Variants in ATP5PF observed in about 807,000 individuals in gnomAD.
ATP5PF encodes ATP synthase peripheral stalk subunit F6, mitochondrial.
A neutral mutation model predicts 12.0 loss-of-function variants in ATP5PF; 7 were observed. The ratio of observed to expected loss-of-function variants is 0.58; its 90% CI spans 0.33 to 1.10. The LOEUF is 1.10. Among genes scored for constraint, ATP5PF ranks in the 50% least tolerant of loss-of-function variants. ATP5PF has a pLI of 0.03. For missense variants in ATP5PF, 120 were observed against 127.7 expected, an observed-to-expected ratio of 0.94 and a Z score of 0.29; for synonymous variants, 41 against 45.4, an observed-to-expected ratio of 0.90 and a Z score of 0.39.
At chr21:25,725,788 G>C (rs1403795698) in intron 2 of ATP5PF, among the ~76,000 whole-genome samples, 1 of 152,190 alleles carries the variant, frequency 6.6e-6, no homozygotes, top group Non-Finnish European at 1.5e-5. Flanking sequence ...ACTTCAGAAA[G>C]AAAATAAGTA....
chr21:25,732,568 C>G (rs1362748210), intron 1 of ATP5PF, among the ~76,000 whole-genome samples: 1 of 150,918 alleles, frequency 6.6e-6, no homozygotes, highest in Non-Finnish European at 1.5e-5. Flanking sequence ...ATCACTTGAG[C>G]TTGGGAGGTA....
chr21:25,731,711 G>A (rs951980320), intron 1 of ATP5PF, among the ~76,000 whole-genome samples: 32 of 151,986 alleles, frequency 2.1e-4, no homozygotes, highest in South Asian at 6.2e-4. Context: ...CATTGACACC[G>A]GACTTCTACT....
intron 1 of ATP5PF, among the ~76,000 whole-genome samples, chr21:25,731,755 T>C (rs1289544654): frequency 6.6e-6 from 1 of 152,108 alleles, no homozygotes; most frequent in Non-Finnish European, 1.5e-5. Context: ...GTATACAAAC[T>C]ATGTTATTGG....
rs2034962468 is a variant in ATP5PF, at chr21:25,734,880, C to A, written c.-35G>T. On this transcript the variant is annotated 5_prime_UTR_variant, in exon 1 of 4. Transcript: ENST00000284971. ...TGCACTCAGTCCCGAGCTGCCAAAG[C>A]CTCCGCCGCCACCACCTCCGCTCTA... The A allele has an allele frequency of 1.3e-6, 2 of 1,548,794 alleles. No homozygotes were observed. The highest frequency in any genetic ancestry group is 2.4e-5 in the East Asian group (1 of 41,274).
intron 1 of ATP5PF, among the ~76,000 whole-genome samples, chr21:25,732,984 T>A (rs1332532906): frequency 6.6e-4 from 2 of 3,016 alleles, no homozygotes; most frequent in Admixed American, 4.8e-3. Context: ...AAACTCTGTC[T>A]CAAAAAAAAA....
chr21:25,730,728 C>G (rs2034741418), intron 1 of ATP5PF, among the ~76,000 whole-genome samples: 1 of 50,204 alleles, frequency 2.0e-5, no homozygotes, highest in Non-Finnish European at 4.0e-5. Flanking sequence ...GAGCAAGACT[C>G]CGTCTCACAA....
At chr21:25,729,151 T>C (rs373501017) in intron 2 of ATP5PF, among the ~76,000 whole-genome samples, 7 of 152,076 alleles carry the variant, frequency 4.6e-5, no homozygotes, top group Middle Eastern at 6.8e-3. Flanking sequence ...AATAGCCTTT[T>C]AAAAAAAAGA....
Position 25,734,882 on chromosome 21 carries a change from TCCG to T in ATP5PF, c.-40_-38del. On this transcript the variant is annotated 5_prime_UTR_variant, in exon 1 of 4. Transcript: ENST00000284971. ...CACTCAGTCCCGAGCTGCCAAAGCCTCCGCCGCCACCACCTCCGCTCTACTTCC... is the reference window on the plus strand; with the variant it reads ...CACTCAGTCCCGAGCTGCCAAAGCCTCCGCCACCACCTCCGCTCTACTTCC... The T allele has an allele frequency of 1.3e-6, 2 of 1,549,752 alleles. No homozygotes were observed. The highest frequency in any genetic ancestry group is 8.7e-7 in the Non-Finnish European group (1 of 1,150,572).
chr21:25,729,836 T>C (rs920090982), intron 1 of ATP5PF, 35 bp from the exon 2 acceptor site: 3 of 1,592,874 alleles, frequency 1.9e-6, no homozygotes, highest in Non-Finnish European at 2.6e-6. Flanking sequence ...AACGTTAATA[T>C]ACTTATTATA....
At chr21:25,735,213 G>C (rs1231345405), upstream of ATP5PF, 4 of 591,362 alleles carry the variant, frequency 6.8e-6, no homozygotes, top group South Asian at 8.0e-5. Context: ...GCTCCCCTCC[G>C]AGTCAGCGTC....
At chr21:25,733,015 A>C (rs2034839605) in intron 1 of ATP5PF, among the ~76,000 whole-genome samples, 1 of 149,696 alleles carries the variant, frequency 6.7e-6, no homozygotes, top group East Asian at 2.0e-4. Flanking sequence ...AAAAAAAAGA[A>C]ATCCTACTAT....
rs9979591 is a variant in ATP5PF, at chr21:25,727,072, T to C, written c.165-1722A>G. Reference sequence around the variant, plus strand: ...CTAGCCATATCTGGCTATTGAGCACTAGAAATATAGCTAACATGAATGAGA... The same window carrying C: ...CTAGCCATATCTGGCTATTGAGCACCAGAAATATAGCTAACATGAATGAGA... On this transcript the variant is annotated intron_variant, in intron 2 of 3. Coordinates refer to ENST00000284971, the MANE Select transcript of ATP5PF (RefSeq NM_001003703.2). Among the ~76,000 whole-genome samples the C allele has an allele frequency of 2.4e-3, 364 of 152,338 alleles. 2 individuals are homozygous for C. The highest frequency in any genetic ancestry group is 8.5e-3 in the African/African-American group (352 of 41,574).
chr21:25,725,193 C>G (rs766420556), intron 3 of ATP5PF, 33 bp downstream of exon 3: 1 of 1,587,414 alleles, frequency 6.3e-7, no homozygotes. Context: ...ACTTATCCCC[C>G]ACAAGAATGA....
chr21:25,734,537 C>A, intron 1 of ATP5PF: 2 of 490,428 alleles, frequency 4.1e-6, no homozygotes, highest in Non-Finnish European at 5.8e-6. Flanking sequence ...TAGGCCTGGC[C>A]GAAAATCTCT....
chr21:25,727,856 T>C (rs927958629), intron 2 of ATP5PF, among the ~76,000 whole-genome samples: 1 of 152,230 alleles, frequency 6.6e-6, no homozygotes, highest in African/African-American at 2.4e-5. Flanking sequence ...TTCTCATATA[T>C]AAAATTGGGG....
At chr21:25,735,389 C>T, upstream of ATP5PF, 1 of 184,106 alleles carries the variant, frequency 5.4e-6, no homozygotes, top group South Asian at 1.0e-4. Context: ...CCCGAAGGTG[C>T]CTGGGAGGCG....
At chr21:25,733,552 A>AC (rs1258474225) in intron 1 of ATP5PF, among the ~76,000 whole-genome samples, 3 of 152,082 alleles carry the variant, frequency 2.0e-5, no homozygotes, top group Non-Finnish European at 2.9e-5. Context: ...GGTCAAAGTT[A>AC]CACAGCAAAA....
chr21:25,724,778 A>G (rs901570253), intron 3 of ATP5PF, 101 bp from the exon 4 acceptor site: 1 of 1,187,202 alleles, frequency 8.4e-7, no homozygotes, highest in Non-Finnish European at 1.2e-6. Context: ...TGATTTTTTT[A>G]GTAAACACTG....
At chr21:25,734,718 C>A in intron 1 of ATP5PF, 135 bp downstream of exon 1, 2 of 886,366 alleles carry the variant, frequency 2.3e-6, no homozygotes, top group Non-Finnish European at 1.7e-6. Context: ...TGACCCCGGG[C>A]CAGGCCGTGA....
Sources: gnomAD v4.1 joint callset for allele counts (sites outside exome capture counted in the v4.1 genomes callset) on GRCh38, gnomAD v4.1.1 for gene constraint, MANE v1.5 for transcripts, NCBI Gene and HGNC (gene_info 2026-07-23, HGNC 2026-07-21) for gene names.